METAP1D: variants seen among roughly 807,000 people sequenced by gnomAD.
The protein encoded by METAP1D is methionine aminopeptidase 1D, mitochondrial.
A neutral mutation model predicts 40.5 loss-of-function variants in METAP1D; 31 were observed. The observed-to-expected ratio is 0.77, with a 90% CI of 0.58 to 1.03. METAP1D has a LOEUF of 1.03. METAP1D is among the 50% of genes least tolerant of loss of function. The pLI, the probability that METAP1D is intolerant of heterozygous loss-of-function variation, is 0.00. For synonymous variants in METAP1D, 151 were observed against 146.4 expected, an observed-to-expected ratio of 1.03 and a Z score of -0.22; for missense variants, 411 against 420.7, an observed-to-expected ratio of 0.98 and a Z score of 0.20.
chr2:172,046,384 A>G (rs1689766522), intron 1 of METAP1D, among the ~76,000 whole-genome samples: 1 of 152,206 alleles, frequency 6.6e-6, no homozygotes, highest in East Asian at 1.9e-4. Context: ...ATACACACTG[A>G]ACATTACAGC....
At chr2:172,068,426 G>A (rs1690342793) in intron 5 of METAP1D, among the ~76,000 whole-genome samples, 1 of 151,852 alleles carries the variant, frequency 6.6e-6, no homozygotes. Flanking sequence ...TGAAGTACAA[G>A]TACTAGTTTA....
intron 1 of METAP1D, among the ~76,000 whole-genome samples, chr2:172,003,582 C>T (rs1328857161): frequency 6.6e-6 from 1 of 152,126 alleles, no homozygotes; most frequent in East Asian, 1.9e-4. Context: ...TGCTTGCACT[C>T]ATTCTCTCTC....
At chr2:172,075,231 G>A (rs1690514071) in intron 6 of METAP1D, among the ~76,000 whole-genome samples, 1 of 152,168 alleles carries the variant, frequency 6.6e-6, no homozygotes, top group Admixed American at 6.5e-5. Context: ...TCACAAGTGT[G>A]CTTGGGTTCA....
chr2:172,041,315 T>A lies in METAP1D; in HGVS notation c.41-20183T>A, dbSNP rs371790209. On this transcript the variant is annotated intron_variant, in intron 1 of 9. Transcript: ENST00000315796. ...CTCTACTAAAAATACAAAAATTAGC[T>A]GGGCGTGGTGGTGTGCACCTATAGT... 6.0e-3 allele frequency among the ~76,000 whole-genome samples: 748 copies of A among 125,220 alleles called. 14 individuals carry two copies. The highest frequency in any genetic ancestry group is 9.6e-3 in the Admixed American group (119 of 12,454). 82.1% of individuals were successfully genotyped at this position (125,220 alleles called of 152,430 possible). A position where few individuals can be genotyped will look rare whatever the true frequency, so the allele number is the denominator to read the frequency against.
At chr2:172,060,324 G>C (rs986570874) in intron 1 of METAP1D, among the ~76,000 whole-genome samples, 1 of 151,076 alleles carries the variant, frequency 6.6e-6, no homozygotes, top group Non-Finnish European at 1.5e-5. Context: ...GCTGAAGTGG[G>C]AGGATTCCTT....
Position 172,063,731 on chromosome 2 carries a change from T to C in METAP1D, c.219T>C (p.Tyr73=). 2 of 1,613,766 alleles carry C rather than the reference T, an allele frequency of 1.2e-6. No individual in the cohort carries two copies. The highest frequency in any genetic ancestry group is 1.3e-5 in the African/African-American group (1 of 75,018). The change falls in exon 3 of 10, where the codon TAT becomes TAC. Residue 73 remains tyrosine, a synonymous_variant. Coordinates refer to ENST00000315796, the MANE Select transcript of METAP1D (RefSeq NM_199227.3). ...PVPKHIKKPD[Y]VTTGIVPDWG... ...TCAAGCACATAAAGAAGCCAGACTA[T>C]GTGACGACAGGCATTGTACCAGACT...
chr2:172,050,598 A>C (rs1040839525), intron 1 of METAP1D, among the ~76,000 whole-genome samples: 4 of 152,146 alleles, frequency 2.6e-5, no homozygotes, highest in Admixed American at 2.6e-4. Context: ...GGTAACAGGA[A>C]TGTTTCTTTT....
chr2:172,005,232 G>T (rs1688551206), intron 1 of METAP1D, among the ~76,000 whole-genome samples: 1 of 151,948 alleles, frequency 6.6e-6, no homozygotes, highest in African/African-American at 2.4e-5. Context: ...TACTTTAGAA[G>T]TGAATTCTGA....
At chr2:172,062,674 T>C (rs184717839) in intron 2 of METAP1D, among the ~76,000 whole-genome samples, 1 of 151,790 alleles carries the variant, frequency 6.6e-6, no homozygotes, top group African/African-American at 2.4e-5. Context: ...TGTGGGAGAG[T>C]AGATGTTCCT....
chr2:172,069,924 C>T (rs1350548067), intron 5 of METAP1D, among the ~76,000 whole-genome samples: 2 of 152,138 alleles, frequency 1.3e-5, no homozygotes, highest in South Asian at 2.1e-4. Context: ...AGATTTAAGA[C>T]ATTAATTCAG....
chr2:172,041,443 C>CAGA (rs1439210343), intron 1 of METAP1D, among the ~76,000 whole-genome samples: 11 of 95,318 alleles, frequency 1.2e-4, no homozygotes, highest in African/African-American at 3.7e-4. Flanking sequence ...TGGGTGACAG[C>CAGA]GCAAGACTCT....
At chr2:172,040,103 G>T (rs1049329911) in intron 1 of METAP1D, among the ~76,000 whole-genome samples, 1 of 150,976 alleles carries the variant, frequency 6.6e-6, no homozygotes, top group Non-Finnish European at 1.5e-5. Context: ...GATTACAGGC[G>T]CTCGCCATCA....
rs1376433452 is a variant in METAP1D at position 172,081,831 on chromosome 2, A to G, written c.*1425A>G. On this transcript the variant is annotated 3_prime_UTR_variant, in exon 10 of 10. Coordinates refer to ENST00000315796, the MANE Select transcript of METAP1D (RefSeq NM_199227.3). ...GCCAGGACAGGTGGTGTCCTCGGCC[A>G]GGACTAAGAGCCAGCTCATCTTTGT... 2 of 152,214 alleles carry G rather than the reference A, an allele frequency of 1.3e-5. No individual in the cohort carries two copies. Among genetic ancestry groups the G allele is most frequent in the Admixed American group, 1.3e-4 (2 of 15,280 alleles). 9.4% of individuals were successfully genotyped at this position (152,214 alleles called of 1,614,324 possible).
At chr2:172,028,560 G>GTC (rs1689172177) in intron 1 of METAP1D, among the ~76,000 whole-genome samples, 1 of 125,694 alleles carries the variant, frequency 8.0e-6, no homozygotes, top group African/African-American at 3.0e-5. Flanking sequence ...GTGTGTGTGT[G>GTC]TGTGTGTGTG....
chr2:172,065,853 C>T (rs1158209688), intron 4 of METAP1D, 101 bp downstream of exon 4: 8 of 1,244,462 alleles, frequency 6.4e-6, no homozygotes, highest in Non-Finnish European at 7.7e-6. Flanking sequence ...TTGAAACCCA[C>T]CGGTAAACTT....
intron 1 of METAP1D, among the ~76,000 whole-genome samples, chr2:172,058,631 C>T (rs1459875515): frequency 6.6e-6 from 1 of 152,146 alleles, no homozygotes; most frequent in African/African-American, 2.4e-5. Context: ...CCCACATCAG[C>T]TGCCCTCCAA....
Position 172,065,746 on chromosome 2 carries a change from C to G in METAP1D, c.491C>G (p.Pro164Arg). The change falls in exon 4 of 10, where the codon CCT (proline) becomes CGT (arginine). Residue 164 changes from proline to arginine, a missense_variant. Coordinates refer to ENST00000315796, the MANE Select transcript of METAP1D (RefSeq NM_199227.3). ...SVNNVLCHGI[P>R]DSRPLQDGDI... ...AACAACGTGCTCTGTCATGGTATTC[C>G]TGACAGGTATTCAGTTCTTAATAAC... The G allele has an allele frequency of 6.2e-7, 1 of 1,613,468 alleles. No individual in the cohort carries two copies. The highest frequency in any genetic ancestry group is 8.5e-7 in the Non-Finnish European group (1 of 1,179,698).
intron 1 of METAP1D, among the ~76,000 whole-genome samples, chr2:172,014,679 G>A (rs1035412136): frequency 1.3e-5 from 2 of 151,960 alleles, no homozygotes; most frequent in African/African-American, 4.8e-5. Context: ...TTGAATCAGA[G>A]TCTGGCCCTG....
At chr2:172,007,165 ATTTTTTTT>A (rs139762342) in intron 1 of METAP1D, among the ~76,000 whole-genome samples, 9 of 134,282 alleles carry the variant, frequency 6.7e-5, no homozygotes, top group Non-Finnish European at 4.7e-5. Context: ...ATGTCATGTA[ATTTTTTTT>A]TTTTTTTTTT....
Sources: allele counts gnomAD v4.1 joint callset (sites outside exome capture counted in the v4.1 genomes callset), GRCh38; gene constraint gnomAD v4.1.1; transcripts MANE v1.5; gene names NCBI Gene and HGNC (gene_info 2026-07-23, HGNC 2026-07-21).